Variants in TMEM132D observed in about 807,000 individuals in gnomAD.
The protein encoded by TMEM132D is mature OL transmembrane protein.
Under a neutral mutation model 62.3 loss-of-function variants are expected in TMEM132D, and 21 were observed. The observed-to-expected ratio is 0.34, with a 90% CI of 0.24 to 0.49. The LOEUF is 0.49. Among genes scored for constraint, TMEM132D ranks in the 20% least tolerant of loss-of-function variants. The probability of loss-of-function intolerance (pLI) is 0.99; values close to 1 mark genes in which losing one functional copy is unlikely to be tolerated. For missense variants in TMEM132D, 1,346 were observed against 1,402.8 expected, an observed-to-expected ratio of 0.96 and a Z score of 0.65; for synonymous variants, 621 against 575.6, an observed-to-expected ratio of 1.08 and a Z score of -1.13.
chr12:129,785,844 G>T (rs1006416772), intron 1 of TMEM132D, among the ~76,000 whole-genome samples: 1 of 152,140 alleles, frequency 6.6e-6, no homozygotes, highest in African/African-American at 2.4e-5. Context: ...TCTTTCTTGT[G>T]GTCAGTATTT....
At chr12:129,431,943 A>T (rs75149072) in intron 3 of TMEM132D, among the ~76,000 whole-genome samples, 2,764 of 152,214 alleles carry the variant, frequency 0.018, 113 homozygotes, top group East Asian at 0.1. Flanking sequence ...CTCCTCTCCC[A>T]CATATATGCA....
At chr12:129,083,516 G>C (rs1048243462) in intron 6 of TMEM132D, among the ~76,000 whole-genome samples, 1 of 152,160 alleles carries the variant, frequency 6.6e-6, no homozygotes, top group African/African-American at 2.4e-5. Flanking sequence ...AGAAACCCCA[G>C]AGACTGAGAA....
At chr12:129,473,318 G>GTTTTTTTTTTTTTTTTTTTTTTTTTTTT (rs1441231858) in intron 3 of TMEM132D, among the ~76,000 whole-genome samples, 2 of 57,760 alleles carry the variant, frequency 3.5e-5, no homozygotes, top group Non-Finnish European at 3.4e-5. Flanking sequence ...AGTGATTTTA[G>GTTTTTTTTTTTTTTTTTTTTTTTTTTTT]TTTTTGTTTT....
rs1040629129 is a variant in TMEM132D, at chr12:129,074,074, G to A, written c.3101C>T (p.Pro1034Leu). The A allele has an allele frequency of 8.7e-6, 14 of 1,613,832 alleles. No homozygotes were observed. The highest frequency in any genetic ancestry group is 1.3e-5 in the African/African-American group (1 of 74,854). The change falls in exon 9 of 9, where the codon CCC (proline) becomes CTC (leucine). Residue 1034 changes from proline to leucine, a missense_variant. Pro to Leu is a moderately conservative substitution (Grantham distance 98, BLOSUM62 -3). Coordinates refer to ENST00000422113, the MANE Select transcript of TMEM132D (RefSeq NM_133448.3). ...CCTTTTTGAGGTAGGGGATGTTGGG[G>A]GCTCACTTTTCTGATCTTTCCCATC... ...IIDGKDQKSE[P>L]PTSPTSKRKR...
At chr12:129,388,668 C>T (rs866217166) in intron 3 of TMEM132D, among the ~76,000 whole-genome samples, 2 of 129,056 alleles carry the variant, frequency 1.5e-5, no homozygotes, top group Non-Finnish European at 3.6e-5. Flanking sequence ...ACACTAACAC[C>T]GACACCAATA....
At chr12:129,621,919 C>T (rs1344856441) in intron 2 of TMEM132D, among the ~76,000 whole-genome samples, 1 of 152,180 alleles carries the variant, frequency 6.6e-6, no homozygotes, top group Non-Finnish European at 1.5e-5. Flanking sequence ...TTTTCTCCTT[C>T]CTTCCTTCCT....
At chr12:129,282,084 T>A (rs940313974) in intron 4 of TMEM132D, among the ~76,000 whole-genome samples, 1 of 151,934 alleles carries the variant, frequency 6.6e-6, no homozygotes, top group African/African-American at 2.4e-5. Flanking sequence ...AGAAACCTCA[T>A]CCCAGCCTCC....
chr12:129,653,485 A>T (rs1879985473), intron 2 of TMEM132D, among the ~76,000 whole-genome samples: 3 of 152,206 alleles, frequency 2.0e-5, no homozygotes, highest in Admixed American at 2.0e-4. Flanking sequence ...GCTAACTGAT[A>T]AGAGGAGAAA....
chr12:129,773,716 A>G (rs765415304), intron 1 of TMEM132D, among the ~76,000 whole-genome samples: 1 of 152,218 alleles, frequency 6.6e-6, no homozygotes, highest in Non-Finnish European at 1.5e-5. Context: ...TTAAACAATA[A>G]GAGCACGTCA....
chr12:129,855,118 G>GGGT (rs1566009819), intron 1 of TMEM132D, among the ~76,000 whole-genome samples: 10 of 129,504 alleles, frequency 7.7e-5, no homozygotes, highest in Non-Finnish European at 1.0e-4. Context: ...GGAACGGGAT[G>GGGT]GCTGCCCTTG....
intron 3 of TMEM132D, among the ~76,000 whole-genome samples, chr12:129,480,291 C>T (rs1874389772): frequency 6.6e-6 from 1 of 152,250 alleles, no homozygotes; most frequent in African/African-American, 2.4e-5. Context: ...GGGAGCCATA[C>T]TGTGCAAACC....
chr12:129,310,837 G>A (rs1881954680), intron 4 of TMEM132D, among the ~76,000 whole-genome samples: 1 of 152,126 alleles, frequency 6.6e-6, no homozygotes, highest in East Asian at 1.9e-4. Flanking sequence ...TCCAGCCTCC[G>A]GGCTTGCATG....
rs770396800 is a variant in TMEM132D at position 129,073,979 on chromosome 12, C to T, written c.3196G>A (p.Val1066Met). The change falls in exon 9 of 9, where the codon GTG (valine) becomes ATG (methionine). Residue 1066 changes from valine to methionine, a missense_variant. Coordinates refer to ENST00000422113, the MANE Select transcript of TMEM132D (RefSeq NM_133448.3). Reference sequence around the variant, plus strand: ...TTAATGTCATCCTCGCTACTCATCACGATGGAGTTCCTGGTGGGGTACTCG... The same window carrying T: ...TTAATGTCATCCTCGCTACTCATCATGATGGAGTTCCTGGTGGGGTACTCG... ...DDEYPTRNSI[V>M]MSSEDDIKWV... The T allele has an allele frequency of 6.2e-6, 10 of 1,613,718 alleles. No individual in the cohort carries two copies. The highest frequency in any genetic ancestry group is 4.5e-5 in the East Asian group (2 of 44,874).
chr12:129,564,090 T>A (rs368375197), intron 2 of TMEM132D, among the ~76,000 whole-genome samples: 2 of 152,154 alleles, frequency 1.3e-5, no homozygotes, highest in Non-Finnish European at 2.9e-5. Context: ...TCCCAAAGTA[T>A]CAGGCACATG....
In TMEM132D at chr12:129,121,779, T is replaced by C. The variant is rs145768737; in HGVS notation, c.1444-37077A>G. Among the ~76,000 whole-genome samples, 395 of 152,292 alleles carry C rather than the reference T, an allele frequency of 2.6e-3. 2 individuals carry two copies. Among genetic ancestry groups the C allele is most frequent in the Non-Finnish European group, 3.9e-3 (266 of 68,018 alleles). On this transcript the variant is annotated intron_variant, in intron 5 of 8. Coordinates refer to ENST00000422113, the MANE Select transcript of TMEM132D (RefSeq NM_133448.3). ...AGATGATCAAAAGCCATGGTAAGCA[T>C]CCAGGACACATTTATGTTGGTGGTT...
chr12:129,678,858 G>C (rs1397860238), intron 2 of TMEM132D, among the ~76,000 whole-genome samples: 3 of 150,722 alleles, frequency 2.0e-5, no homozygotes, highest in African/African-American at 7.4e-5. Flanking sequence ...TAGTACTCTA[G>C]TGTCATTTTT....
chr12:129,545,855 ACT>A (rs910300830), intron 2 of TMEM132D, among the ~76,000 whole-genome samples: 5 of 152,190 alleles, frequency 3.3e-5, no homozygotes, highest in Non-Finnish European at 7.3e-5. Flanking sequence ...ACTTGGTTTA[ACT>A]CTTCAGGTAA....
In TMEM132D at chr12:129,524,920, CTTTTTTCTTTTTTT is replaced by C. The variant is rs1239864036; in HGVS notation, c.1115+6125_1115+6138del. Among the ~76,000 whole-genome samples, 27 of 92,190 alleles carry C rather than the reference CTTTTTTCTTTTTTT, an allele frequency of 2.9e-4. 2 individuals are homozygous for C. Among genetic ancestry groups the C allele is most frequent in the Admixed American group, 6.9e-4 (4 of 5,820 alleles). The allele number at this position is 92,190 out of a possible 152,430, so 60.5% of individuals were successfully genotyped here. ...CATTTTATTATTTTCATATTTTTTTCTTTTTTCTTTTTTTTTTTTTTTTTGAGACGGAGTCTCGC... is the reference window on the plus strand; with the variant it reads ...CATTTTATTATTTTCATATTTTTTTCTTTTTTTTTTGAGACGGAGTCTCGC... On this transcript the variant is annotated intron_variant, in intron 3 of 8. Coordinates refer to ENST00000422113, the MANE Select transcript of TMEM132D (RefSeq NM_133448.3).
intron 1 of TMEM132D, among the ~76,000 whole-genome samples, chr12:129,755,373 T>C (rs760535012): frequency 6.6e-6 from 1 of 152,220 alleles, no homozygotes; most frequent in Non-Finnish European, 1.5e-5. Flanking sequence ...AAGTGTGCTA[T>C]TACACTTTCG....
Sources: allele counts gnomAD v4.1 joint callset (sites outside exome capture counted in the v4.1 genomes callset), GRCh38; gene constraint gnomAD v4.1.1; transcripts MANE v1.5; gene names NCBI Gene and HGNC (gene_info 2026-07-23, HGNC 2026-07-21).